The following APBA2 variants were observed in gnomAD, a reference collection of about 807,000 sequenced individuals.
APBA2 encodes amyloid beta precursor protein binding family A member 2.
Under a neutral mutation model 75.0 loss-of-function variants are expected in APBA2, and 30 were observed. The ratio of observed to expected loss-of-function variants is 0.40; its 90% confidence interval spans 0.30 to 0.54. APBA2 has a LOEUF of 0.54. Among genes scored for constraint, APBA2 ranks in the 20% least tolerant of loss-of-function variants. APBA2 has a pLI of 0.49. For synonymous variants in APBA2, 444 were observed against 409.6 expected, an observed-to-expected ratio of 1.08 and a Z score of -1.01; for missense variants, 801 against 1,016.1, an observed-to-expected ratio of 0.79 and a Z score of 2.88.
At chr15:28,963,517 C>T (rs932574540) in intron 2 of APBA2, among the ~76,000 whole-genome samples, 8 of 152,132 alleles carry the variant, frequency 5.3e-5, no homozygotes, top group Admixed American at 2.6e-4. Flanking sequence ...GTGCCAGAGT[C>T]GGAATTTGAA....
rs1203199585 is a variant in APBA2, at chr15:28,918,260, G to A, written c.-204-3380G>A. Among the ~76,000 whole-genome samples the A allele has an allele frequency of 2.0e-5, 3 of 152,214 alleles. No individual in the cohort carries two copies. Among genetic ancestry groups the A allele is most frequent in the Non-Finnish European group, 4.4e-5 (3 of 68,042 alleles). On this transcript the variant is annotated intron_variant, in intron 1 of 14. Transcript: ENST00000683413. The surrounding 1 kb of genome is among the most constrained non-coding windows in gnomAD (Gnocchi z 4.2). Reference sequence around the variant, plus strand: ...CGGAGCCGGTCAGTGACAGAGCCGGGTCTCAACCCAGGCCACTGCCCTCGG... The same window carrying A: ...CGGAGCCGGTCAGTGACAGAGCCGGATCTCAACCCAGGCCACTGCCCTCGG...
At position 29,036,809 on chromosome 15, in the gene APBA2, C is replaced by T. The variant is rs1348468566; in HGVS notation, c.-40-17036C>T. On this transcript the variant is annotated intron_variant, in intron 3 of 14. Coordinates refer to ENST00000683413, the MANE Select transcript of APBA2 (RefSeq NM_001353788.2). ...CTGAGGCAGGCAGATTGCTTGAGTC[C>T]AAGACTTTGAGACCAGCCCGGGCAA... 4.6e-5 allele frequency among the ~76,000 whole-genome samples: 7 copies of T among 152,064 alleles called. No homozygotes were observed. In the South Asian group the frequency reaches 6.2e-4, roughly 14 times the overall value.
chr15:29,105,510 G>A lies in APBA2; in HGVS notation c.1656G>A (p.Met552Ile). Residue 552 changes from methionine to isoleucine, a missense_variant, in exon 11 of 15, where the codon ATG (methionine) becomes ATA (isoleucine). Met to Ile is a conservative substitution (Grantham distance 10, BLOSUM62 1). Around this residue, in one of 2 missense-constraint regions of APBA2, gnomAD observed 367 missense variants for 544.5 expected, o/e 0.67. Transcript: ENST00000683413. The part of the protein sequence containing the change: ...EYSDIINTQE[M>I]YNDDLIHFSN... ...GCGACATCATCAACACCCAGGAGATGTACAACGACGACCTCATCCACTTCT... is the reference window on the plus strand; with the variant it reads ...GCGACATCATCAACACCCAGGAGATATACAACGACGACCTCATCCACTTCT... 1.2e-6 allele frequency: 2 copies of A among 1,613,822 alleles called. No individual in the cohort carries two copies. The highest frequency in any genetic ancestry group is 1.1e-5 in the South Asian group (1 of 91,082).
chr15:28,906,451 T>A (rs1270018445), intron 1 of APBA2, among the ~76,000 whole-genome samples: 1 of 152,140 alleles, frequency 6.6e-6, no homozygotes, highest in East Asian at 1.9e-4. Context: ...ACATGTGGAG[T>A]CTCGTACATT....
intron 1 of APBA2, among the ~76,000 whole-genome samples, chr15:28,892,732 C>T (rs1244691633): frequency 1.3e-5 from 2 of 150,758 alleles, no homozygotes; most frequent in African/African-American, 2.4e-5. Context: ...GTTTTACATT[C>T]CTGGAATTGA....
At chr15:28,936,327 A>G (rs543143586) in intron 2 of APBA2, among the ~76,000 whole-genome samples, 5 of 152,278 alleles carry the variant, frequency 3.3e-5, no homozygotes, top group Non-Finnish European at 7.4e-5. Flanking sequence ...AGCTTTGCTT[A>G]GGGAGCTATG....
intron 1 of APBA2, among the ~76,000 whole-genome samples, chr15:28,896,525 C>T (rs915694367): frequency 2.6e-5 from 4 of 152,206 alleles, no homozygotes; most frequent in African/African-American, 9.7e-5. Context: ...ATGATTCGCC[C>T]ACATCGGCCT....
intron 2 of APBA2, among the ~76,000 whole-genome samples, chr15:28,930,847 C>T (rs1405832171): frequency 6.6e-6 from 1 of 152,204 alleles, no homozygotes; most frequent in East Asian, 1.9e-4. Flanking sequence ...TCCACCATGC[C>T]CCTCGGGAGT....
At chr15:29,105,252 C>A in intron 10 of APBA2, 127 bp from the exon 11 acceptor site, 2 of 934,242 alleles carry the variant, frequency 2.1e-6, no homozygotes, top group Non-Finnish European at 3.2e-6. Flanking sequence ...CTTCTAAGCC[C>A]GAGCAAGGGC....
At chr15:29,035,511 G>C (rs760610141) in intron 3 of APBA2, among the ~76,000 whole-genome samples, 3 of 152,130 alleles carry the variant, frequency 2.0e-5, no homozygotes, top group Admixed American at 6.5e-5. Flanking sequence ...GGAATTAGGG[G>C]TGTGTGTGGG....
chr15:29,027,074 G>A (rs1394120442), intron 3 of APBA2, among the ~76,000 whole-genome samples: 1 of 152,168 alleles, frequency 6.6e-6, no homozygotes, highest in Non-Finnish European at 1.5e-5. Flanking sequence ...TGGTCATGAC[G>A]TGTTAGTTTT....
chr15:29,019,222 C>G (rs954809035), intron 3 of APBA2, among the ~76,000 whole-genome samples: 1 of 152,218 alleles, frequency 6.6e-6, no homozygotes, highest in Non-Finnish European at 1.5e-5. Context: ...CTCCCTTTCC[C>G]CCTCCTGTTC....
intron 13 of APBA2, 127 bp from the exon 14 acceptor site, chr15:29,113,749 C>T (rs1244171703): frequency 1.3e-5 from 16 of 1,206,514 alleles, no homozygotes; most frequent in East Asian, 1.2e-4. Context: ...TGTGAGTCAG[C>T]GAATTGCACG....
At chr15:29,024,637 G>A (rs1244375441) in intron 3 of APBA2, among the ~76,000 whole-genome samples, 1 of 152,162 alleles carries the variant, frequency 6.6e-6, no homozygotes, top group Non-Finnish European at 1.5e-5. Flanking sequence ...TCTTGTAAAT[G>A]GGAATTTCAG....
intron 2 of APBA2, among the ~76,000 whole-genome samples, chr15:28,958,179 G>A (rs1364423888): frequency 2.0e-5 from 3 of 152,246 alleles, no homozygotes; most frequent in Non-Finnish European, 4.4e-5. Context: ...TGACTTGTGG[G>A]TAGAAGCTGG....
intron 2 of APBA2, among the ~76,000 whole-genome samples, chr15:28,965,571 CT>C (rs1220759431): frequency 4.6e-5 from 7 of 152,158 alleles, no homozygotes; most frequent in African/African-American, 1.7e-4. Flanking sequence ...CAGAATCGAC[CT>C]TTTAACTATG....
At chr15:28,942,323 G>T (rs1014874272) in intron 2 of APBA2, among the ~76,000 whole-genome samples, 1 of 152,128 alleles carries the variant, frequency 6.6e-6, no homozygotes, top group African/African-American at 2.4e-5. Flanking sequence ...TCTTGACTCA[G>T]ACCCACTCGT....
At chr15:29,106,867 C>T (rs777030290) in intron 12 of APBA2, 48 bp downstream of exon 12, 2 of 1,547,218 alleles carry the variant, frequency 1.3e-6, no homozygotes, top group Non-Finnish European at 1.8e-6. Flanking sequence ...AACCCTGCCT[C>T]ACTTCATCCC....
rs890237623 is a variant in APBA2 at position 29,046,447 on chromosome 15, C to A, written c.-40-7398C>A. 6.6e-6 allele frequency among the ~76,000 whole-genome samples: 1 copy of A among 152,318 alleles called. No homozygotes were observed. The highest frequency in any genetic ancestry group is 1.5e-5 in the Non-Finnish European group (1 of 68,026). On this transcript the variant is annotated intron_variant, in intron 3 of 14. Transcript: ENST00000683413. This position sits in a 1 kb window ranked among gnomAD's most constrained non-coding sequence, Gnocchi z 5.0. ...GGACAGTTGTCCTTGCTCTCCACCCCCTGGAGTAGGGGAAGAAGGCTTGGA... is the reference window on the plus strand; with the variant it reads ...GGACAGTTGTCCTTGCTCTCCACCCACTGGAGTAGGGGAAGAAGGCTTGGA...
Sources: gnomAD v4.1 joint callset for allele counts (sites outside exome capture counted in the v4.1 genomes callset) on GRCh38, gnomAD v4.1.1 for gene constraint, gnomAD v4.1.1 regional missense constraint, Gnocchi (gnomAD v3.1) non-coding constraint, MANE v1.5 for transcripts, NCBI Gene and HGNC (gene_info 2026-07-23, HGNC 2026-07-21) for gene names.